DPP10: variants seen among roughly 807,000 people sequenced by gnomAD.
DPP10 encodes the protein inactive dipeptidyl peptidase 10.
DPP10 carries 33 observed loss-of-function variants against 120.9 expected under a neutral mutation model. That is an observed-to-expected ratio of 0.27 (90% CI 0.21 to 0.37). The LOEUF is 0.37. DPP10 is among the 10% of genes least tolerant of loss of function. The pLI is 1.00. For missense variants in DPP10, 816 were observed against 942.8 expected, an observed-to-expected ratio of 0.87 and a Z score of 1.76; for synonymous variants, 337 against 326.1, an observed-to-expected ratio of 1.03 and a Z score of -0.36.
intron 7 of DPP10, among the ~76,000 whole-genome samples, chr2:115,697,195 GA>G (rs1449957221): frequency 6.6e-6 from 1 of 151,802 alleles, no homozygotes; most frequent in African/African-American, 2.4e-5. Context: ...ATATAGAAAA[GA>G]AATAGAAAAA....
At chr2:115,341,695 T>C (rs1312505309) in intron 2 of DPP10, among the ~76,000 whole-genome samples, 1 of 152,208 alleles carries the variant, frequency 6.6e-6, no homozygotes, top group East Asian at 1.9e-4. Flanking sequence ...GTTGAGATTA[T>C]ATACTATGTA....
chr2:115,381,221 G>T (rs911908505), intron 3 of DPP10, among the ~76,000 whole-genome samples: 1 of 152,018 alleles, frequency 6.6e-6, no homozygotes, highest in Non-Finnish European at 1.5e-5. Flanking sequence ...TTTTCCCTTA[G>T]TCCCATATTT....
intron 1 of DPP10, among the ~76,000 whole-genome samples, chr2:114,510,387 C>T (rs1002605493): frequency 4.6e-5 from 7 of 152,098 alleles, no homozygotes; most frequent in African/African-American, 9.6e-5. Flanking sequence ...GGGTGGATCA[C>T]GAGGTAAGGA....
intron 1 of DPP10, among the ~76,000 whole-genome samples, chr2:115,250,622 G>C (rs912216924): frequency 7.2e-5 from 11 of 151,752 alleles, no homozygotes; most frequent in African/African-American, 2.4e-4. Flanking sequence ...TAGTTTTCCA[G>C]AAAAAAAATA....
chr2:115,762,716 G>A lies in DPP10; in HGVS notation c.1113+106G>A, dbSNP rs192594609. The A allele has an allele frequency of 4.7e-6, 6 of 1,288,948 alleles. No individual in the cohort carries two copies. The African/African-American group carries it at 7.4e-5, about 16-fold the overall frequency. The allele number at this position is 1,288,948 out of a possible 1,614,324, so 79.8% of individuals were successfully genotyped here. ...AAAGTATGAGTTTAAGGCTTTGCTA[G>A]GTTTGACAGAGTGATCCTTTTTCAT... is the stretch of plus-strand genomic sequence containing the variant. On this transcript the variant is annotated intron_variant, in intron 12 of 25. Transcript: ENST00000410059.
At chr2:114,457,680 C>A (rs1678655172) in intron 1 of DPP10, among the ~76,000 whole-genome samples, 1 of 152,134 alleles carries the variant, frequency 6.6e-6, no homozygotes, top group South Asian at 2.1e-4. Context: ...ATTTATACCC[C>A]TGGGATAACA....
intron 1 of DPP10, among the ~76,000 whole-genome samples, chr2:114,762,570 G>A (rs1194936612): frequency 6.6e-6 from 1 of 152,204 alleles, no homozygotes; most frequent in East Asian, 1.9e-4. Context: ...CACAGAAAAT[G>A]ATAAACAAAA....
intron 5 of DPP10, among the ~76,000 whole-genome samples, chr2:115,676,171 T>C (rs6542286): frequency 0.99 from 150,022 of 152,266 alleles, 73,942 homozygotes; most frequent in Middle Eastern, 1. Context: ...ACTTGAAGGG[T>C]CTGAAGGCTG....
chr2:115,661,800 A>G (rs2088997406), intron 5 of DPP10, among the ~76,000 whole-genome samples: 1 of 152,218 alleles, frequency 6.6e-6, no homozygotes, highest in Non-Finnish European at 1.5e-5. Context: ...GACATTATGA[A>G]ACACTCAATT....
chr2:114,730,070 T>A (rs1385662623), intron 1 of DPP10, among the ~76,000 whole-genome samples: 1 of 152,220 alleles, frequency 6.6e-6, no homozygotes, highest in Non-Finnish European at 1.5e-5. Context: ...CTTTGAAAAT[T>A]ATTTTTAAGC....
intron 1 of DPP10, among the ~76,000 whole-genome samples, chr2:114,858,471 CA>C (rs1318316696): frequency 1.3e-5 from 2 of 152,198 alleles, no homozygotes; most frequent in Non-Finnish European, 1.5e-5. Flanking sequence ...CATGATCTGT[CA>C]AAAGAGGTTG....
intron 1 of DPP10, among the ~76,000 whole-genome samples, chr2:115,160,903 G>C (rs777805627): frequency 5.9e-5 from 9 of 152,086 alleles, no homozygotes; most frequent in Admixed American, 2.6e-4. Context: ...CCCTCTCTCT[G>C]AGCCTCACAG....
chr2:115,809,133 T>C (rs1686350436), intron 19 of DPP10, among the ~76,000 whole-genome samples: 1 of 152,176 alleles, frequency 6.6e-6, no homozygotes, highest in African/African-American at 2.4e-5. Context: ...GTAAATACAG[T>C]GTATGAGAAA....
chr2:115,334,449 C>A (rs1216985541), intron 2 of DPP10, among the ~76,000 whole-genome samples: 1 of 151,110 alleles, frequency 6.6e-6, no homozygotes, highest in Non-Finnish European at 1.5e-5. Flanking sequence ...AAGTGACAAG[C>A]TATTAGGTTT....
intron 1 of DPP10, among the ~76,000 whole-genome samples, chr2:115,205,998 C>T (rs2056096401): frequency 6.6e-6 from 1 of 152,114 alleles, no homozygotes; most frequent in Non-Finnish European, 1.5e-5. Context: ...CTTGTAACTA[C>T]CTGCATATGT....
At chr2:114,665,411 A>AT (rs373254487) in intron 1 of DPP10, among the ~76,000 whole-genome samples, 1 of 151,696 alleles carries the variant, frequency 6.6e-6, no homozygotes, top group African/African-American at 2.4e-5. Context: ...TTCTCTTATC[A>AT]TTTTTTTTCT....
At chr2:114,803,835 C>T (rs1684482015) in intron 1 of DPP10, among the ~76,000 whole-genome samples, 1 of 152,190 alleles carries the variant, frequency 6.6e-6, no homozygotes, top group Admixed American at 6.5e-5. Flanking sequence ...AAGAAAAACT[C>T]ATTTTCTGGG....
intron 5 of DPP10, among the ~76,000 whole-genome samples, chr2:115,561,688 A>G (rs1040239305): frequency 6.6e-6 from 1 of 152,214 alleles, no homozygotes; most frequent in Non-Finnish European, 1.5e-5. Flanking sequence ...TGCAATGGCT[A>G]TTAATTTTCC....
At chr2:115,151,108 T>C (rs183149074) in intron 1 of DPP10, among the ~76,000 whole-genome samples, 24 of 152,318 alleles carry the variant, frequency 1.6e-4, no homozygotes, top group African/African-American at 4.8e-4. Flanking sequence ...ACCGTTATAA[T>C]TGAAATTCAG....
Sources: gnomAD v4.1 joint callset for allele counts (sites outside exome capture counted in the v4.1 genomes callset) on GRCh38, gnomAD v4.1.1 for gene constraint, MANE v1.5 for transcripts, NCBI Gene and HGNC (gene_info 2026-07-23, HGNC 2026-07-21) for gene names.